The following LAMA3 variants were observed in gnomAD, a reference collection of about 807,000 sequenced individuals.
LAMA3 encodes laminin subunit alpha 3, also known as laminin subunit alpha-3.
A neutral mutation model predicts 402.0 loss-of-function variants in LAMA3; 281 were observed. That is an observed-to-expected ratio of 0.70 (90% CI 0.63 to 0.77). The LOEUF (loss-of-function observed/expected upper bound fraction) is 0.77. Ranked by LOEUF, LAMA3 falls within the 30% of genes least tolerant of loss-of-function variation. The probability of loss-of-function intolerance (pLI) is 0.00; values close to 1 mark genes in which losing one functional copy is unlikely to be tolerated. For synonymous variants in LAMA3, 1,431 were observed against 1,558.4 expected (o/e 0.92, Z 1.93); for missense variants, 3,840 against 4,215.5 (o/e 0.91, Z 2.47).
rs915796454 is a variant in LAMA3 at position 23,824,324 on chromosome 18, C to T, written c.2429-99C>T. The T allele has an allele frequency of 8.9e-5, 114 of 1,280,536 alleles. 1 individual carries two copies. In the South Asian group the frequency reaches 1.3e-3, roughly 14 times the overall value. 79.3% of individuals were successfully genotyped at this position (1,280,536 alleles called of 1,614,324 possible). The stretch of plus-strand genomic sequence containing the variant: ...TCTGATCAGTACATATCATCTTAAA[C>T]TTTTTGAGATGTAAACTGAATGTTC... On this transcript the variant is annotated intron_variant, in intron 20 of 74. Transcript: ENST00000313654.
intron 24 of LAMA3, 142 bp downstream of exon 24, chr18:23,834,130 C>A: frequency 1.1e-6 from 1 of 910,022 alleles, no homozygotes. Context: ...AGTTGTGTGG[C>A]CCAACGTCAT....
At position 23,758,314 on chromosome 18, in the gene LAMA3, T is replaced by A. The variant is rs2061893087; in HGVS notation, c.948-82T>A. The A allele has an allele frequency of 1.1e-5, 10 of 927,434 alleles. No individual in the cohort carries two copies. The South Asian group carries it at 1.4e-4, about 13-fold the overall frequency. The allele number at this position is 927,434 out of a possible 1,614,324, so 57.5% of individuals were successfully genotyped here. A position where few individuals can be genotyped will look rare whatever the true frequency, so the allele number is the denominator to read the frequency against. Reference sequence around the variant, plus strand: ...TGCCGTGGATGACCGTGATGACTCGTGTGTCAGGTTCGCACTATAGGATCA... The same window carrying A: ...TGCCGTGGATGACCGTGATGACTCGAGTGTCAGGTTCGCACTATAGGATCA... On this transcript the variant is annotated intron_variant, in intron 6 of 74. Coordinates refer to ENST00000313654, the MANE Select transcript of LAMA3 (RefSeq NM_198129.4).
chr18:23,891,421 A>G (rs2080659291), intron 42 of LAMA3, among the ~76,000 whole-genome samples: 2 of 152,224 alleles, frequency 1.3e-5, no homozygotes, highest in African/African-American at 2.4e-5. Context: ...AATGTTGGGA[A>G]GATAAGTGGG....
intron 55 of LAMA3, among the ~76,000 whole-genome samples, chr18:23,910,534 C>T (rs1290155513): frequency 1.3e-5 from 2 of 152,182 alleles, no homozygotes; most frequent in South Asian, 2.1e-4. Context: ...TGCTCTCCAG[C>T]CACTGCAGGT....
At chr18:23,909,542 G>A (rs2081364031) in intron 55 of LAMA3, among the ~76,000 whole-genome samples, 1 of 152,128 alleles carries the variant, frequency 6.6e-6, no homozygotes. Context: ...GTTTATTCAG[G>A]CAGAAAGAAG....
chr18:23,768,031 A>G (rs2062114440), intron 8 of LAMA3, among the ~76,000 whole-genome samples: 1 of 152,164 alleles, frequency 6.6e-6, no homozygotes, highest in Non-Finnish European at 1.5e-5. Flanking sequence ...TAAGAATCCT[A>G]GAAGAAAACC....
chr18:23,826,138 C>G (rs187124952), intron 21 of LAMA3, among the ~76,000 whole-genome samples: 1 of 152,326 alleles, frequency 6.6e-6, no homozygotes, highest in East Asian at 1.9e-4. Context: ...CAGCTCTGCT[C>G]TTTCCTGAAG....
At position 23,847,560 on chromosome 18, in the gene LAMA3, A is replaced by C; in HGVS notation, c.4028A>C (p.His1343Pro). 1 of 1,614,012 alleles carries C rather than the reference A, an allele frequency of 6.2e-7. No individual in the cohort carries two copies. The highest frequency in any genetic ancestry group is 8.5e-7 in the Non-Finnish European group (1 of 1,180,028). Residue 1343 changes from histidine to proline, a missense_variant, in exon 32 of 75, where the codon CAC (histidine) becomes CCC (proline). By Grantham distance (77) the His-to-Pro change is moderately conservative. Coordinates refer to ENST00000313654, the MANE Select transcript of LAMA3 (RefSeq NM_198129.4). ...VRPQCEVCET[H>P]SFSFHPMAGC... ...CCCCAGTGTGAGGTGTGTGAGACAC[A>C]CTCATTCAGCTTCCACCCCATGGCC...
chr18:23,920,851 G>T (rs1037540105), intron 60 of LAMA3, 84 bp from the exon 61 acceptor site: 19 of 1,528,212 alleles, frequency 1.2e-5, no homozygotes, highest in East Asian at 1.1e-4. Flanking sequence ...GAGCAGGGGG[G>T]TCTGTGAGAG....
chr18:23,763,458 C>A lies in LAMA3; in HGVS notation c.1117C>A (p.Arg373=). Residue 373 remains arginine, a synonymous_variant, in exon 8 of 75, where the codon CGG becomes AGG. Coordinates refer to ENST00000313654, the MANE Select transcript of LAMA3 (RefSeq NM_198129.4). ...SNCYYDPDVE[R]QQASLNTQGI... ...CTGTTACTATGATCCAGATGTTGAG[C>A]GGCAGCAGGCAAGCTTGAATACCCA... The A allele has an allele frequency of 6.2e-7, 1 of 1,613,840 alleles. No homozygotes were observed. Among genetic ancestry groups the A allele is most frequent in the Non-Finnish European group, 8.5e-7 (1 of 1,179,834 alleles).
chr18:23,904,164 C>G, intron 50 of LAMA3, 77 bp downstream of exon 50: 2 of 1,562,914 alleles, frequency 1.3e-6, no homozygotes, highest in Non-Finnish European at 1.8e-6. Flanking sequence ...GCAAGGCCCT[C>G]CCCTGGGTTG....
At chr18:23,841,232 C>T (rs566659594) in intron 27 of LAMA3, among the ~76,000 whole-genome samples, 7 of 152,298 alleles carry the variant, frequency 4.6e-5, no homozygotes, top group African/African-American at 1.4e-4. Context: ...TTTACCCCCC[C>T]GAGTCATGGG....
chr18:23,757,240 T>C (rs1166325250), intron 6 of LAMA3, among the ~76,000 whole-genome samples: 2 of 152,022 alleles, frequency 1.3e-5, no homozygotes, highest in Non-Finnish European at 2.9e-5. Context: ...CCTCAGGCCC[T>C]GGGCCTCGCC....
chr18:23,923,492 A>C (rs1303115048), intron 62 of LAMA3, among the ~76,000 whole-genome samples: 1 of 152,210 alleles, frequency 6.6e-6, no homozygotes, highest in Non-Finnish European at 1.5e-5. Flanking sequence ...GGGGAAAAGC[A>C]GTCAAGAATG....
intron 12 of LAMA3, among the ~76,000 whole-genome samples, chr18:23,795,199 C>A (rs902928058): frequency 1.3e-5 from 2 of 152,154 alleles, no homozygotes; most frequent in African/African-American, 4.8e-5. Context: ...AAGCCAATTG[C>A]ATGGCAAATT....
chr18:23,934,158 A>G (rs2082246478), intron 67 of LAMA3, among the ~76,000 whole-genome samples: 2 of 152,252 alleles, frequency 1.3e-5, no homozygotes, highest in Non-Finnish European at 2.9e-5. Flanking sequence ...CTCACAGAAC[A>G]GAACCATGAC....
At chr18:23,889,712 G>C (rs1177164590) in intron 41 of LAMA3, among the ~76,000 whole-genome samples, 3 of 139,718 alleles carry the variant, frequency 2.1e-5, no homozygotes, top group Non-Finnish European at 4.6e-5. Flanking sequence ...GAGGAAGGGA[G>C]GAAGGAAGGA....
chr18:23,760,855 A>C (rs1020801328), intron 7 of LAMA3, among the ~76,000 whole-genome samples: 1 of 152,178 alleles, frequency 6.6e-6, no homozygotes, highest in Non-Finnish European at 1.5e-5. Flanking sequence ...TTTCTGGTTC[A>C]TAGATGCCAC....
At chr18:23,729,179 C>T (rs978515424) in intron 2 of LAMA3, among the ~76,000 whole-genome samples, 4 of 148,038 alleles carry the variant, frequency 2.7e-5, no homozygotes. Context: ...GAGAGAGAGA[C>T]AGAGAGATCT....
Sources: gnomAD v4.1 joint callset for allele counts (sites outside exome capture counted in the v4.1 genomes callset) on GRCh38, gnomAD v4.1.1 for gene constraint, MANE v1.5 for transcripts, NCBI Gene and HGNC (gene_info 2026-07-23, HGNC 2026-07-21) for gene names.